The following CEP350 variants were observed in gnomAD, a reference collection of about 807,000 sequenced individuals.
CEP350 encodes centrosomal protein 350, also known as centrosome-associated protein 350.
CEP350 carries 126 observed loss-of-function variants against 331.8 expected under a neutral mutation model. The observed-to-expected ratio is 0.38, with a 90% CI of 0.33 to 0.44. The LOEUF is 0.44. Among genes scored for constraint, CEP350 ranks in the 20% least tolerant of loss-of-function variants. The probability of loss-of-function intolerance (pLI) is 1.00; values close to 1 mark genes in which losing one functional copy is unlikely to be tolerated. For synonymous variants in CEP350, 1,200 were observed against 1,259.5 expected (o/e 0.95, Z 1.00); for missense variants, 3,406 against 3,634.6 (o/e 0.94, Z 1.62).
Position 180,094,243 on chromosome 1 carries a change from A to G in CEP350, c.8138A>G (p.Glu2713Gly), listed in dbSNP as rs2149135719. Reference sequence around the variant, plus strand: ...GACAACCTATATGCTGAAGCTTCAGAAAAGCTTTGTACACCACTTCTGGAT... The same window carrying G: ...GACAACCTATATGCTGAAGCTTCAGGAAAGCTTTGTACACCACTTCTGGAT... ...EEDNLYAEASEKLCTPLLDLL... is the reference protein window; with the variant it reads ...EEDNLYAEASGKLCTPLLDLL... Residue 2713 changes from glutamate to glycine, a missense_variant, in exon 34 of 38, where the codon GAA becomes GGA. By Grantham distance (98) the Glu-to-Gly change is moderately conservative. Around this residue, in one of 5 missense-constraint regions of CEP350, gnomAD observed 1,415 missense variants for 1,512.3 expected, o/e 0.94. Transcript: ENST00000367607. 1.2e-6 allele frequency: 2 copies of G among 1,613,222 alleles called. No individual in the cohort carries two copies. The highest frequency in any genetic ancestry group is 1.6e-4 in the Middle Eastern group (1 of 6,062).
At chr1:180,016,303 G>A (rs2148817270) in intron 11 of CEP350, among the ~76,000 whole-genome samples, 1 of 152,226 alleles carries the variant, frequency 6.6e-6, no homozygotes, top group Non-Finnish European at 1.5e-5. Flanking sequence ...AATTTCAAAC[G>A]GGTTTTTGTG....
chr1:179,981,454 T>C (rs1337425739), intron 1 of CEP350, among the ~76,000 whole-genome samples: 2 of 152,222 alleles, frequency 1.3e-5, no homozygotes, highest in Non-Finnish European at 2.9e-5. Flanking sequence ...ATTTATACTT[T>C]AAAGATAGTA....
chr1:179,987,285 C>T lies in CEP350; in HGVS notation c.119C>T (p.Ala40Val). 6.5e-7 allele frequency: 1 copy of T among 1,538,574 alleles called. No homozygotes were observed. Among genetic ancestry groups the T allele is most frequent in the Non-Finnish European group, 8.9e-7 (1 of 1,118,626 alleles). The change falls in exon 3 of 38, where the codon GCT becomes GTT. Residue 40 changes from alanine (A) to valine (V), a missense_variant and splice_region_variant. By Grantham distance (64) the Ala-to-Val change is moderately conservative. Around this residue, in one of 5 missense-constraint regions of CEP350, gnomAD observed 1,857 missense variants for 1,909.2 expected, o/e 0.97. Coordinates refer to ENST00000367607, the MANE Select transcript of CEP350 (RefSeq NM_014810.5). Reference sequence around the variant, plus strand: ...GATGCACTTTCTCAAACCAAGGCTGCTGTAAGTAGTTTTAGCTTCCATTTA... The same window carrying T: ...GATGCACTTTCTCAAACCAAGGCTGTTGTAAGTAGTTTTAGCTTCCATTTA... ...SWDALSQTKA[A>V]LRHIENKLEV...
In CEP350 at chr1:180,098,806, C is replaced by T. The variant is rs911104800; in HGVS notation, c.9067-57C>T. ...GAATCTGTTTACTGCATTGTAAACACATGAAACTCAGGAATTTCTGTTGTT... is the reference window on the plus strand; with the variant it reads ...GAATCTGTTTACTGCATTGTAAACATATGAAACTCAGGAATTTCTGTTGTT... On this transcript the variant is annotated intron_variant, in intron 36 of 37. Coordinates refer to ENST00000367607, the MANE Select transcript of CEP350 (RefSeq NM_014810.5). The T allele has an allele frequency of 3.3e-6, 5 of 1,515,880 alleles. No individual in the cohort carries two copies. The African/African-American group carries it at 6.9e-5, about 21-fold the overall frequency. The allele number at this position is 1,515,880 out of a possible 1,614,324, so 93.9% of individuals were successfully genotyped here. A position where few individuals can be genotyped will look rare whatever the true frequency, so the allele number is the denominator to read the frequency against.
chr1:180,086,492 A>G (rs1659868229), intron 31 of CEP350, among the ~76,000 whole-genome samples: 1 of 152,006 alleles, frequency 6.6e-6, no homozygotes, highest in South Asian at 2.1e-4. Flanking sequence ...AACAAAGACA[A>G]AAGAAAATTC....
chr1:179,989,291 T>A (rs2148678504), intron 3 of CEP350, among the ~76,000 whole-genome samples: 1 of 151,732 alleles, frequency 6.6e-6, no homozygotes, highest in South Asian at 2.1e-4. Flanking sequence ...AAAATTCAGA[T>A]TCTGAATTTT....
chr1:180,046,683 T>G (rs1222789241), intron 21 of CEP350, among the ~76,000 whole-genome samples: 1 of 152,220 alleles, frequency 6.6e-6, no homozygotes, highest in East Asian at 1.9e-4. Context: ...ACTGCAGCAT[T>G]TTATACTATT....
At chr1:179,974,808 A>G (rs918227040) in intron 1 of CEP350, among the ~76,000 whole-genome samples, 2 of 152,180 alleles carry the variant, frequency 1.3e-5, no homozygotes, top group Non-Finnish European at 2.9e-5. Context: ...CCTGAGCAAC[A>G]GGAGAGATCT....
At chr1:180,042,127 T>TTCTC (rs113477639) in intron 19 of CEP350, among the ~76,000 whole-genome samples, 64 of 106,782 alleles carry the variant, frequency 6.0e-4, no homozygotes, top group African/African-American at 1.8e-3. Context: ...TTGGTGAGTT[T>TTCTC]TCTCTCACAC....
intron 14 of CEP350, among the ~76,000 whole-genome samples, chr1:180,029,676 A>G (rs1655889061): frequency 6.6e-6 from 1 of 152,142 alleles, no homozygotes. Context: ...GTCTCTATGA[A>G]TTTCACTAGG....
At chr1:180,080,802 A>G in intron 30 of CEP350, 141 bp downstream of exon 30, 1 of 719,008 alleles carries the variant, frequency 1.4e-6, no homozygotes, top group Admixed American at 2.4e-5. Context: ...AAGAAGATTA[A>G]TACCATATTG....
chr1:180,029,475 A>G (rs979481480), intron 14 of CEP350, among the ~76,000 whole-genome samples: 1 of 152,186 alleles, frequency 6.6e-6, no homozygotes, highest in African/African-American at 2.4e-5. Flanking sequence ...GTCCTTTCTA[A>G]TTGATTAATA....
chr1:179,980,754 G>A (rs1169389468), intron 1 of CEP350, among the ~76,000 whole-genome samples: 1 of 151,736 alleles, frequency 6.6e-6, no homozygotes, highest in African/African-American at 2.4e-5. Flanking sequence ...TCATCTGTAA[G>A]GACCATTTCT....
At chr1:180,029,017 C>T (rs546038355) in intron 14 of CEP350, among the ~76,000 whole-genome samples, 65 of 152,208 alleles carry the variant, frequency 4.3e-4, no homozygotes, top group African/African-American at 1.5e-3. Context: ...CTCCTTCATC[C>T]CCAAGTTCTA....
intron 34 of CEP350, among the ~76,000 whole-genome samples, 195 bp downstream of exon 34, chr1:180,094,811 A>G (rs1331904592): frequency 1.3e-5 from 2 of 152,090 alleles, no homozygotes; most frequent in Non-Finnish European, 2.9e-5. Flanking sequence ...GCTGAAGTGT[A>G]ATTGTCCTCT....
chr1:179,998,469 C>T (rs985643140), intron 6 of CEP350, among the ~76,000 whole-genome samples: 8 of 151,780 alleles, frequency 5.3e-5, no homozygotes, highest in African/African-American at 1.9e-4. Context: ...CCATGCCCAG[C>T]TAATTTTTGT....
At chr1:179,991,314 C>CTTTT (rs748309168) in intron 4 of CEP350, among the ~76,000 whole-genome samples, 37 of 109,384 alleles carry the variant, frequency 3.4e-4, no homozygotes, top group Middle Eastern at 5.9e-3. Context: ...TCTTTCTTTT[C>CTTTT]TTTTTTTTTT....
At chr1:180,041,613 G>A in intron 18 of CEP350, 49 bp from the exon 19 acceptor site, 4 of 1,509,612 alleles carry the variant, frequency 2.6e-6, no homozygotes, top group Non-Finnish European at 2.7e-6. Flanking sequence ...AATTCAGGAG[G>A]AGGGGAGATT....
intron 28 of CEP350, 128 bp from the exon 29 acceptor site, chr1:180,078,335 G>T (rs999870394): frequency 6.2e-6 from 4 of 646,932 alleles, no homozygotes; most frequent in Non-Finnish European, 5.4e-6. Context: ...TGGAAGCTAT[G>T]ACTCTCCTGT....
Sources: gnomAD v4.1 joint callset for allele counts (sites outside exome capture counted in the v4.1 genomes callset) on GRCh38, gnomAD v4.1.1 for gene constraint, gnomAD v4.1.1 regional missense constraint, MANE v1.5 for transcripts, NCBI Gene and HGNC (gene_info 2026-07-23, HGNC 2026-07-21) for gene names.